Variants in INPP5A observed in about 807,000 individuals in gnomAD.
The protein encoded by INPP5A is 43 kDa inositol polyphosphate 5-phophatase.
Under a neutral mutation model 65.2 loss-of-function variants are expected in INPP5A, and 14 were observed. The ratio of observed to expected loss-of-function variants is 0.21; its 90% CI spans 0.14 to 0.34. INPP5A has a LOEUF of 0.34. Among genes scored for constraint, INPP5A ranks in the 10% least tolerant of loss-of-function variants. INPP5A has a pLI of 1.00. For missense variants in INPP5A, 431 were observed against 545.6 expected (o/e 0.79, Z 2.09); for synonymous variants, 207 against 208.3 (o/e 0.99, Z 0.05).
Position 132,651,384 on chromosome 10 carries a change from C to T in INPP5A, c.306+879C>T, listed in dbSNP as rs1360711235. On this transcript the variant is annotated intron_variant, in intron 4 of 15. Coordinates refer to ENST00000368594, the MANE Select transcript of INPP5A (RefSeq NM_005539.5). The surrounding 1 kb of genome is among the most constrained non-coding windows in gnomAD (Gnocchi z 5.0). ...GGGTCCCCCGGCCTGGGTCCATCTC[C>T]CCCGTCTCTGGGGAGGCCCTGGGTC... Among the ~76,000 whole-genome samples the T allele has an allele frequency of 2.9e-4, 41 of 139,150 alleles. No individual in the cohort carries two copies. The highest frequency in any genetic ancestry group is 2.6e-3 in the Admixed American group (38 of 14,408). The allele number at this position is 139,150 out of a possible 152,430, so 91.3% of individuals were successfully genotyped here. A position where few individuals can be genotyped will look rare whatever the true frequency, so the allele number is the denominator to read the frequency against.
At chr10:132,749,410 GC>G (rs1377347891) in intron 9 of INPP5A, 106 bp from the exon 10 acceptor site, 2 of 978,930 alleles carry the variant, frequency 2.0e-6, no homozygotes, top group African/African-American at 3.2e-5. Flanking sequence ...GACACCAGCT[GC>G]TGTCTGGAAC....
At chr10:132,567,930 C>T (rs1026565703) in intron 1 of INPP5A, among the ~76,000 whole-genome samples, 11 of 152,094 alleles carry the variant, frequency 7.2e-5, no homozygotes, top group East Asian at 3.9e-4. Flanking sequence ...CGGTGGCTCA[C>T]GCCTGTAACC....
At chr10:132,613,408 A>G (rs941842844) in intron 2 of INPP5A, among the ~76,000 whole-genome samples, 1 of 152,214 alleles carries the variant, frequency 6.6e-6, no homozygotes, top group Non-Finnish European at 1.5e-5. Context: ...GGAGGTGGAC[A>G]GCAGCACCTG....
intron 1 of INPP5A, among the ~76,000 whole-genome samples, chr10:132,580,812 G>A (rs2071473535): frequency 6.6e-6 from 1 of 152,146 alleles, no homozygotes; most frequent in Non-Finnish European, 1.5e-5. Context: ...GCATTTCCAG[G>A]TAAATTGCTG....
rs534314464 is a variant in INPP5A, at chr10:132,741,197, C to T, written c.733-8320C>T. On this transcript the variant is annotated intron_variant, in intron 9 of 15. Transcript: ENST00000368594. The surrounding 1 kb of genome is among the most constrained non-coding windows in gnomAD (Gnocchi z 4.4). ...CAGTGAGCCAGCCATGATCACATCACTGCACTCCATCCTGGCCAACAGAGG... is the reference window on the plus strand; with the variant it reads ...CAGTGAGCCAGCCATGATCACATCATTGCACTCCATCCTGGCCAACAGAGG... Among the ~76,000 whole-genome samples, 6 of 152,322 alleles carry T rather than the reference C, an allele frequency of 3.9e-5. No individual in the cohort carries two copies. The highest frequency in any genetic ancestry group is 1.4e-4 in the African/African-American group (6 of 41,570).
At chr10:132,624,425 C>T (rs1448064983) in intron 2 of INPP5A, among the ~76,000 whole-genome samples, 9 of 152,200 alleles carry the variant, frequency 5.9e-5, no homozygotes, top group African/African-American at 1.9e-4. Flanking sequence ...CACCAGCACA[C>T]CTGCACCTCA....
At chr10:132,582,379 A>G (rs936957404) in intron 1 of INPP5A, among the ~76,000 whole-genome samples, 3 of 143,868 alleles carry the variant, frequency 2.1e-5, no homozygotes, top group Non-Finnish European at 3.0e-5. Flanking sequence ...TTTTTTCCAT[A>G]TGGAATTCAG....
chr10:132,747,619 C>T (rs1244877077), intron 9 of INPP5A, among the ~76,000 whole-genome samples: 3 of 152,262 alleles, frequency 2.0e-5, no homozygotes, highest in Non-Finnish European at 2.9e-5. Flanking sequence ...CCCCGGCCAG[C>T]GCCCGGGGCA....
chr10:132,768,144 A>G (rs1389055314), intron 12 of INPP5A, among the ~76,000 whole-genome samples: 4 of 144,430 alleles, frequency 2.8e-5, no homozygotes. Context: ...TTGGCATTCC[A>G]GAAAGATCCA....
intron 4 of INPP5A, among the ~76,000 whole-genome samples, chr10:132,681,386 ACACT>A (rs2073042413): frequency 6.6e-6 from 1 of 152,030 alleles, no homozygotes; most frequent in African/African-American, 2.4e-5. Flanking sequence ...ATGAGCTGTA[ACACT>A]CACCGCGAAG....
intron 8 of INPP5A, among the ~76,000 whole-genome samples, chr10:132,722,790 T>G (rs984258325): frequency 3.3e-5 from 5 of 152,196 alleles, no homozygotes; most frequent in African/African-American, 1.2e-4. Flanking sequence ...CCTAAAAAAT[T>G]GATTTTTATG....
chr10:132,687,046 G>A (rs1423506535), intron 4 of INPP5A, among the ~76,000 whole-genome samples: 6 of 152,248 alleles, frequency 3.9e-5, no homozygotes, highest in Admixed American at 3.3e-4. Context: ...CCAGGTTCAA[G>A]CAATTCTCCT....
chr10:132,646,407 C>T (rs1055112152), intron 3 of INPP5A, among the ~76,000 whole-genome samples: 1 of 152,168 alleles, frequency 6.6e-6, no homozygotes, highest in South Asian at 2.1e-4. Context: ...CACGTGTATT[C>T]CCACTGTACA....
rs1331155665 is a variant in INPP5A at position 132,644,810 on chromosome 10, A to C, written c.118-1058A>C. Among the ~76,000 whole-genome samples, 1 of 152,148 alleles carries C rather than the reference A, an allele frequency of 6.6e-6. No individual in the cohort carries two copies. The highest frequency in any genetic ancestry group is 1.5e-5 in the Non-Finnish European group (1 of 68,024). The stretch of plus-strand genomic sequence containing the variant: ...CAGTGCCTCACCCCTCATCCTGCTC[A>C]AGTGAAATGGGGCTCCCCGACTGCC... On this transcript the variant is annotated intron_variant, in intron 2 of 15. Transcript: ENST00000368594. The surrounding 1 kb of genome is among the most constrained non-coding windows in gnomAD (Gnocchi z 6.5).
rs907956024 is a variant in INPP5A, at chr10:132,663,056, C to T, written c.306+12551C>T. Among the ~76,000 whole-genome samples the T allele has an allele frequency of 6.6e-5, 10 of 152,230 alleles. No individual in the cohort carries two copies. The highest frequency in any genetic ancestry group is 2.4e-4 in the African/African-American group (10 of 41,460). The stretch of plus-strand genomic sequence containing the variant: ...GCAGATTTAATGGAAAAGGGAAGTA[C>T]TTCCATCAGCAGCTGGCCCCTCGAA... On this transcript the variant is annotated intron_variant, in intron 4 of 15. Coordinates refer to ENST00000368594, the MANE Select transcript of INPP5A (RefSeq NM_005539.5). This position sits in a 1 kb window ranked among gnomAD's most constrained non-coding sequence, Gnocchi z 4.5.
At chr10:132,768,113 C>T (rs1323205383) in intron 12 of INPP5A, among the ~76,000 whole-genome samples, 2 of 147,824 alleles carry the variant, frequency 1.4e-5, no homozygotes, top group Non-Finnish European at 1.5e-5. Context: ...CCTCGGCATT[C>T]CCAGGGTGCC....
Position 132,547,407 on chromosome 10 carries a change from C to G in INPP5A, c.75+9236C>G, listed in dbSNP as rs1294722542. ...GTAACAGCCTGGCCTTTGCTTCTGT[C>G]CGGGGCGCGTGGCCCAGGCTGAGCA... On this transcript the variant is annotated intron_variant, in intron 1 of 15. Transcript: ENST00000368594. This position sits in a 1 kb window ranked among gnomAD's most constrained non-coding sequence, Gnocchi z 5.5. Among the ~76,000 whole-genome samples, 1 of 152,232 alleles carries G rather than the reference C, an allele frequency of 6.6e-6. No homozygotes were observed. Among genetic ancestry groups the G allele is most frequent in the Non-Finnish European group, 1.5e-5 (1 of 68,040 alleles).
Position 132,645,874 on chromosome 10 carries a change from C to T in INPP5A, c.124C>T (p.His42Tyr), listed in dbSNP as rs2072486726. ...TGTGCTTCTCTCCCTCCAGGTCGTGCACACACACAAGCCGCACTTCATGGC... is the reference window on the plus strand; with the variant it reads ...TGTGCTTCTCTCCCTCCAGGTCGTGTACACACACAAGCCGCACTTCATGGC... ...NWLREFYQVV[H>Y]THKPHFMALH... The change falls in exon 3 of 16, where the codon CAC (histidine) becomes TAC (tyrosine). Residue 42 changes from histidine (H) to tyrosine (Y), a missense_variant. Coordinates refer to ENST00000368594, the MANE Select transcript of INPP5A (RefSeq NM_005539.5). 1.1e-5 allele frequency: 18 copies of T among 1,612,408 alleles called. No homozygotes were observed. Among genetic ancestry groups the T allele is most frequent in the Non-Finnish European group, 1.5e-5 (18 of 1,178,880 alleles).
At chr10:132,645,419 C>T (rs149663138) in intron 2 of INPP5A, among the ~76,000 whole-genome samples, 143 of 152,338 alleles carry the variant, frequency 9.4e-4, no homozygotes, top group African/African-American at 3.1e-3. Context: ...CTCCGGCACA[C>T]GCGTGCTGGT....
Sources: gnomAD v4.1 joint callset for allele counts (sites outside exome capture counted in the v4.1 genomes callset) on GRCh38, gnomAD v4.1.1 for gene constraint, Gnocchi (gnomAD v3.1) non-coding constraint, MANE v1.5 for transcripts, NCBI Gene and HGNC (gene_info 2026-07-23, HGNC 2026-07-21) for gene names.